CSMD2: variants seen among roughly 807,000 people sequenced by gnomAD.
CSMD2 encodes the protein CUB and sushi domain-containing protein 2.
Under a neutral mutation model 398.5 loss-of-function variants are expected in CSMD2, and 130 were observed. The observed-to-expected ratio is 0.33, with a 90% CI of 0.28 to 0.38. The LOEUF is 0.38. Among genes scored for constraint, CSMD2 ranks in the 10% least tolerant of loss-of-function variants. The pLI is 1.00. For missense variants in CSMD2, 3,829 were observed against 4,764.9 expected (o/e 0.80, Z 5.78); for synonymous variants, 1,828 against 1,908.5 (o/e 0.96, Z 1.10).
chr1:33,642,945 G>A (rs907482937), intron 29 of CSMD2, among the ~76,000 whole-genome samples: 1 of 152,182 alleles, frequency 6.6e-6, no homozygotes, highest in Non-Finnish European at 1.5e-5. Context: ...ATCTCAGAGA[G>A]TAATTTCCCC....
chr1:33,634,972 T>C (rs1381423780), intron 31 of CSMD2, among the ~76,000 whole-genome samples: 2 of 152,118 alleles, frequency 1.3e-5, no homozygotes, highest in Non-Finnish European at 2.9e-5. Flanking sequence ...GGCCAGTTTC[T>C]CACCAACTCT....
intron 53 of CSMD2, among the ~76,000 whole-genome samples, chr1:33,562,893 A>G (rs986674028): frequency 2.0e-4 from 31 of 152,298 alleles, no homozygotes; most frequent in African/African-American, 7.5e-4. Flanking sequence ...CTGCCAGCCT[A>G]TGCTGGTGAT....
intron 13 of CSMD2, among the ~76,000 whole-genome samples, chr1:33,761,474 AT>A (rs1557854584): frequency 6.6e-6 from 1 of 152,224 alleles, no homozygotes; most frequent in Admixed American, 6.5e-5. Context: ...GGAAAAAAGT[AT>A]CTTGGCATGA....
chr1:33,818,981 A>G (rs1281770989), intron 9 of CSMD2, among the ~76,000 whole-genome samples: 1 of 152,236 alleles, frequency 6.6e-6, no homozygotes, highest in Non-Finnish European at 1.5e-5. Context: ...AGGGGCACTC[A>G]AAAGAGCACC....
intron 5 of CSMD2, among the ~76,000 whole-genome samples, chr1:33,857,084 G>C (rs922208245): frequency 1.3e-5 from 2 of 152,066 alleles, no homozygotes; most frequent in African/African-American, 4.8e-5. Context: ...GACTGCCTGG[G>C]TTCAAGTATC....
At chr1:34,159,466 A>G (rs956169455) in intron 1 of CSMD2, among the ~76,000 whole-genome samples, 1 of 152,158 alleles carries the variant, frequency 6.6e-6, no homozygotes, top group African/African-American at 2.4e-5. Flanking sequence ...AAGGCCAAAG[A>G]AGGCAGCCTG....
chr1:33,587,799 G>A (rs1278339481), intron 44 of CSMD2, among the ~76,000 whole-genome samples: 5 of 152,190 alleles, frequency 3.3e-5, no homozygotes, highest in African/African-American at 1.2e-4. Context: ...TGATGCTAGA[G>A]GCAGGATGCT....
chr1:33,784,426 T>C (rs1342191731), intron 12 of CSMD2, among the ~76,000 whole-genome samples: 3 of 152,046 alleles, frequency 2.0e-5, no homozygotes, highest in Admixed American at 2.0e-4. Flanking sequence ...TTGCCCCTCA[T>C]ATAAAAAGTC....
At chr1:33,764,879 C>G (rs935259119) in intron 13 of CSMD2, among the ~76,000 whole-genome samples, 1 of 152,128 alleles carries the variant, frequency 6.6e-6, no homozygotes, top group Non-Finnish European at 1.5e-5. Context: ...ACAGGGAACA[C>G]TAGGTTTCAG....
intron 64 of CSMD2, among the ~76,000 whole-genome samples, chr1:33,530,558 GA>G (rs1655145463): frequency 6.6e-6 from 1 of 152,092 alleles, no homozygotes. Flanking sequence ...ATTAAAAATA[GA>G]ACTACCATAT....
At chr1:33,727,150 ATGTGTTAAT>A (rs1646561486) in intron 15 of CSMD2, among the ~76,000 whole-genome samples, 2 of 152,178 alleles carry the variant, frequency 1.3e-5, no homozygotes, top group Admixed American at 1.3e-4. Context: ...AGGGCATGGG[ATGTGTTAAT>A]TGTGTTACAC....
At chr1:34,161,540 T>TA (rs1427077385) in intron 1 of CSMD2, among the ~76,000 whole-genome samples, 3 of 152,126 alleles carry the variant, frequency 2.0e-5, no homozygotes, top group Non-Finnish European at 4.4e-5. Context: ...CAGTAAAACA[T>TA]AGTGTCCCAG....
At chr1:34,145,531 AGAGCT>A (rs1462952199) in intron 1 of CSMD2, among the ~76,000 whole-genome samples, 5 of 152,222 alleles carry the variant, frequency 3.3e-5, no homozygotes, top group Non-Finnish European at 7.3e-5. Flanking sequence ...GGATCTGGGG[AGAGCT>A]GATCTGTACC....
intron 3 of CSMD2, among the ~76,000 whole-genome samples, chr1:33,947,130 C>A (rs1338909730): frequency 6.6e-6 from 1 of 152,200 alleles, no homozygotes; most frequent in African/African-American, 2.4e-5. Context: ...AGGCTCTGAA[C>A]CTGGCTGGAG....
chr1:33,541,105 T>C (rs1000287451), intron 59 of CSMD2, 25 bp downstream of exon 59: 2 of 1,610,244 alleles, frequency 1.2e-6, no homozygotes, highest in Admixed American at 1.7e-5. Context: ...TGGCTCTCTG[T>C]CCACATTTGC....
Position 33,624,930 on chromosome 1 carries a change from C to T in CSMD2, c.5500+121G>A. The T allele has an allele frequency of 9.5e-7, 1 of 1,053,988 alleles. No homozygotes were observed. The highest frequency in any genetic ancestry group is 2.0e-5 in the Admixed American group (1 of 50,610). 65.3% of individuals were successfully genotyped at this position (1,053,988 alleles called of 1,614,324 possible). A position where few individuals can be genotyped will look rare whatever the true frequency, so the allele number is the denominator to read the frequency against. On this transcript the variant is annotated intron_variant, in intron 34 of 70. Coordinates refer to ENST00000373381, the MANE Select transcript of CSMD2 (RefSeq NM_001281956.2). The surrounding 1 kb of genome is among the most constrained non-coding windows in gnomAD (Gnocchi z 4.7). The stretch of plus-strand genomic sequence containing the variant: ...GTTGACTGGGACACCCCACCTCAGC[C>T]ATGCGGTGGGAAGCGGCTGCTGTGT...
intron 5 of CSMD2, among the ~76,000 whole-genome samples, chr1:33,865,979 G>C (rs1180040285): frequency 6.6e-6 from 1 of 152,084 alleles, no homozygotes; most frequent in East Asian, 1.9e-4. Flanking sequence ...CAAAAATACT[G>C]GGCCAAAATG....
chr1:33,962,879 C>T (rs1055328250), intron 3 of CSMD2, among the ~76,000 whole-genome samples: 2 of 152,206 alleles, frequency 1.3e-5, no homozygotes, highest in Non-Finnish European at 2.9e-5. Flanking sequence ...CATGCAGAAC[C>T]TGTAACCACA....
At chr1:33,586,065 G>T (rs2077821) in intron 46 of CSMD2, among the ~76,000 whole-genome samples, 3,446 of 152,280 alleles carry the variant, frequency 0.023, 130 homozygotes, top group African/African-American at 0.078. Context: ...GTCAAGGCAT[G>T]GTACACTGGA....
Sources: gnomAD v4.1 joint callset for allele counts (sites outside exome capture counted in the v4.1 genomes callset) on GRCh38, gnomAD v4.1.1 for gene constraint, Gnocchi (gnomAD v3.1) non-coding constraint, MANE v1.5 for transcripts, NCBI Gene and HGNC (gene_info 2026-07-23, HGNC 2026-07-21) for gene names.